PLEKHA8: variants seen among roughly 807,000 people sequenced by gnomAD.
The protein encoded by PLEKHA8 is pleckstrin homology domain-containing family A member 8.
A neutral mutation model predicts 68.2 loss-of-function variants in PLEKHA8; 36 were observed. The ratio of observed to expected loss-of-function variants is 0.53; its 90% CI spans 0.40 to 0.70. The LOEUF (loss-of-function observed/expected upper bound fraction) is 0.70, where lower values mean the gene tolerates loss of function less well. PLEKHA8 is among the 30% of genes least tolerant of loss of function. The pLI is 0.00. For synonymous variants in PLEKHA8, 211 were observed against 216.1 expected, an observed-to-expected ratio of 0.98 and a Z score of 0.20; for missense variants, 505 against 615.4, an observed-to-expected ratio of 0.82 and a Z score of 1.90.
At chr7:30,092,076 T>C (rs1022025801), downstream of PLEKHA8, among the ~76,000 whole-genome samples, 1 of 152,212 alleles carries the variant, frequency 6.6e-6, no homozygotes, top group Non-Finnish European at 1.5e-5. Flanking sequence ...ACAAGACTTT[T>C]ATAAAATCCC....
downstream of PLEKHA8, among the ~76,000 whole-genome samples, chr7:30,093,005 A>G (rs921081083): frequency 1.3e-5 from 2 of 152,236 alleles, no homozygotes; most frequent in East Asian, 3.8e-4. Flanking sequence ...AAGAAGCCTG[A>G]TAAGTTTTCA....
At chr7:30,036,186 G>A (rs1791059873) in intron 1 of PLEKHA8, among the ~76,000 whole-genome samples, 1 of 152,002 alleles carries the variant, frequency 6.6e-6, no homozygotes, top group South Asian at 2.1e-4. Flanking sequence ...AACCCAGAAG[G>A]TGGAGGTTGC....
chr7:30,055,294 C>T lies in PLEKHA8; in HGVS notation c.991C>T (p.Pro331Ser), dbSNP rs573269600. ...TGAACTTCTGGAAGACAGTGGCATT[C>T]CCACAGAAGCATTCTTGGCATCATG... ...DIELLEDSGI[P>S]TEAFLASCYA... is the part of the protein sequence containing the mutation. Residue 331 changes from proline (P) to serine (S), a missense_variant, in exon 9 of 14, where the codon CCC becomes TCC. By Grantham distance (74) the Pro-to-Ser change is moderately conservative. Coordinates refer to ENST00000449726, the MANE Select transcript of PLEKHA8 (RefSeq NM_001197026.2). 1.9e-6 allele frequency: 3 copies of T among 1,614,132 alleles called. 1 individual carries two copies. The South Asian group carries it at 3.3e-5, about 18-fold the overall frequency.
At chr7:30,130,017 G>A (rs1385601162), downstream of PLEKHA8, 1 of 152,252 alleles carries the variant, frequency 6.6e-6, no homozygotes, top group Non-Finnish European at 1.5e-5. Flanking sequence ...TTAGTAAATG[G>A]ACGTGTCATA....
intron 9 of PLEKHA8, among the ~76,000 whole-genome samples, chr7:30,057,631 T>G (rs1286891531): frequency 6.6e-6 from 1 of 152,028 alleles, no homozygotes; most frequent in Non-Finnish European, 1.5e-5. Context: ...CCAATTTTTT[T>G]TGTATTTTTA....
At chr7:30,108,517 G>A (rs1796154614) in intron 13 of PLEKHA8, among the ~76,000 whole-genome samples, 2 of 151,980 alleles carry the variant, frequency 1.3e-5, no homozygotes, top group East Asian at 1.9e-4. Flanking sequence ...ATTTTTTTTA[G>A]TATGGAGGGT....
At chr7:30,103,552 A>C (rs572863370) in intron 13 of PLEKHA8, among the ~76,000 whole-genome samples, 1 of 152,356 alleles carries the variant, frequency 6.6e-6, no homozygotes, top group South Asian at 2.1e-4. Context: ...AGCTGTAGTA[A>C]TGAAGATGGT....
In PLEKHA8 at chr7:30,062,818, T is replaced by C. The variant is rs186721450; in HGVS notation, c.1300+76T>C. ...GACCCCTAGAGGAGGATACAGGGTA[T>C]AGGGGATATTTCTGCTTTTCAGAAT... On this transcript the variant is annotated intron_variant, in intron 12 of 13. Transcript: ENST00000449726. 6.6e-6 allele frequency: 7 copies of C among 1,057,272 alleles called. No homozygotes were observed. In the East Asian group the frequency reaches 1.5e-4, roughly 23 times the overall value. The allele number at this position is 1,057,272 out of a possible 1,614,324, so 65.5% of individuals were successfully genotyped here.
At chr7:30,128,091 A>T (rs28448876) in intron 13 of PLEKHA8, among the ~76,000 whole-genome samples, 2,483 of 122,680 alleles carry the variant, frequency 0.02, 133 homozygotes, top group Non-Finnish European at 0.027. Flanking sequence ...GTTTTACTGT[A>T]TTTTTTTTTT....
chr7:30,108,476 A>G (rs1205593059), intron 13 of PLEKHA8, among the ~76,000 whole-genome samples: 1 of 152,140 alleles, frequency 6.6e-6, no homozygotes, highest in Non-Finnish European at 1.5e-5. Context: ...TCTGGGTTTA[A>G]TGGGTTTTAT....
Position 30,080,683 on chromosome 7 carries a change from A to C in PLEKHA8, c.*1896A>C. ...TAGGGAGAAAGAAGGGGGGTATTAAAATGATGTTGATTATTTTGTATTTTG... is the reference window on the plus strand; with the variant it reads ...TAGGGAGAAAGAAGGGGGGTATTAACATGATGTTGATTATTTTGTATTTTG... On this transcript the variant is annotated 3_prime_UTR_variant, in exon 14 of 14. Coordinates refer to ENST00000449726, the MANE Select transcript of PLEKHA8 (RefSeq NM_001197026.2). 1 of 985,210 alleles carries C rather than the reference A, an allele frequency of 1.0e-6. No individual in the cohort carries two copies. 61.0% of individuals were successfully genotyped at this position (985,210 alleles called of 1,614,324 possible).
chr7:30,095,611 C>G (rs1305128117), downstream of PLEKHA8, among the ~76,000 whole-genome samples: 1 of 152,208 alleles, frequency 6.6e-6, no homozygotes, highest in African/African-American at 2.4e-5. Flanking sequence ...TGCCTATGTC[C>G]TGAATGGTAT....
intron 13 of PLEKHA8, 83 bp from the exon 14 acceptor site, chr7:30,078,507 G>A (rs1794750716): frequency 7.4e-7 from 1 of 1,358,636 alleles, no homozygotes; most frequent in African/African-American, 1.4e-5. Context: ...GTGAAAGTAT[G>A]TGTGTGTGCA....
At position 30,081,720 on chromosome 7, in the gene PLEKHA8, GA is replaced by G. The variant is rs761892659; in HGVS notation, c.*2938del. 7.4e-4 allele frequency: 728 copies of G among 985,380 alleles called. No homozygotes were observed. The highest frequency in any genetic ancestry group is 8.4e-4 in the Non-Finnish European group (697 of 829,906). The allele number at this position is 985,380 out of a possible 1,614,324, so 61.0% of individuals were successfully genotyped here. The stretch of plus-strand genomic sequence containing the variant: ...GCGTAACCTTTAGAGAGAACTGGAA[GA>G]AAAAGGAAATTGGTCTACTAGGTAT... On this transcript the variant is annotated 3_prime_UTR_variant, in exon 14 of 14. Transcript: ENST00000449726.
chr7:30,056,355 TAACAC>T (rs1372401772), intron 9 of PLEKHA8, among the ~76,000 whole-genome samples: 20 of 128,526 alleles, frequency 1.6e-4, no homozygotes, highest in African/African-American at 3.3e-4. Flanking sequence ...ATAATATATA[TAACAC>T]ATATATATAT....
intron 9 of PLEKHA8, among the ~76,000 whole-genome samples, chr7:30,056,386 AATATATATAACAC>A (rs1562870335): frequency 1.5e-5 from 2 of 137,538 alleles, no homozygotes; most frequent in African/African-American, 5.3e-5. Context: ...ACATATATAT[AATATATATAACAC>A]ATATATATAA....
At chr7:30,053,827 C>T in intron 7 of PLEKHA8, among the ~76,000 whole-genome samples, 1 of 152,096 alleles carries the variant, frequency 6.6e-6, no homozygotes, top group East Asian at 1.9e-4. Context: ...AACTCTTGCT[C>T]CTGGGGGAAA....
At chr7:30,125,275 G>A (rs987754858) in intron 13 of PLEKHA8, among the ~76,000 whole-genome samples, 1 of 152,144 alleles carries the variant, frequency 6.6e-6, no homozygotes, top group African/African-American at 2.4e-5. Flanking sequence ...TATTCTTAGT[G>A]TAACTATTTC....
At chr7:30,108,506 TA>T (rs1298415623) in intron 13 of PLEKHA8, among the ~76,000 whole-genome samples, 2 of 152,368 alleles carry the variant, frequency 1.3e-5, no homozygotes, top group Middle Eastern at 3.4e-3. Context: ...AATTTAATTT[TA>T]TTTTTTTTAG....
Sources: allele counts gnomAD v4.1 joint callset (sites outside exome capture counted in the v4.1 genomes callset), GRCh38; gene constraint gnomAD v4.1.1; transcripts MANE v1.5; gene names NCBI Gene and HGNC (gene_info 2026-07-23, HGNC 2026-07-21).